PKHD1L1: variants seen among roughly 807,000 people sequenced by gnomAD.
PKHD1L1 encodes PKHD1 like 1, also known as fibrocystin-L.
PKHD1L1 carries 434 observed loss-of-function variants against 462.9 expected under a neutral mutation model. That is an observed-to-expected ratio of 0.94 (90% confidence interval 0.87 to 1.02). PKHD1L1 has a LOEUF of 1.02. Ranked by LOEUF, PKHD1L1 falls within the 50% of genes least tolerant of loss-of-function variation. The pLI, the probability that PKHD1L1 is intolerant of heterozygous loss-of-function variation, is 0.00. For missense variants in PKHD1L1, 5,202 were observed against 5,096.1 expected (o/e 1.02, Z -0.63); for synonymous variants, 1,781 against 1,750.0 (o/e 1.02, Z -0.44).
Position 109,394,455 on chromosome 8 carries a change from A to G in PKHD1L1, c.781A>G (p.Asn261Asp). The G allele has an allele frequency of 6.5e-7, 1 of 1,530,712 alleles. No individual in the cohort carries two copies. The highest frequency in any genetic ancestry group is 8.8e-7 in the Non-Finnish European group (1 of 1,134,674). 94.8% of individuals were successfully genotyped at this position (1,530,712 alleles called of 1,614,324 possible). A position where few individuals can be genotyped will look rare whatever the true frequency, so the allele number is the denominator to read the frequency against. ...QKMAYFVSSL[N>D]KIAMFQTYAE... is the part of the protein sequence containing the mutation. ...AATGGCATATTTTGTTTCTTCTCTC[A>G]ATAAAATTGCAATGTTTCAAACATA... The change falls in exon 10 of 78, where the codon AAT becomes GAT. Residue 261 changes from asparagine (N) to aspartate (D), a missense_variant. Coordinates refer to ENST00000378402, the MANE Select transcript of PKHD1L1 (RefSeq NM_177531.6).
Position 109,440,844 on chromosome 8 carries a change from T to G in PKHD1L1, c.4091T>G (p.Val1364Gly), listed in dbSNP as rs746855593. 6.2e-7 allele frequency: 1 copy of G among 1,612,362 alleles called. No individual in the cohort carries two copies. The highest frequency in any genetic ancestry group is 8.5e-7 in the Non-Finnish European group (1 of 1,178,916). ...GFSTIPAENT[V>G]LLGSIPCNVT... The stretch of plus-strand genomic sequence containing the variant: ...AGCACAATACCAGCTGAGAATACCG[T>G]GCTGTTAGGTAAGAGCTTCATTCAT... The change falls in exon 33 of 78, where the codon GTG becomes GGG. Residue 1364 changes from valine (V) to glycine (G), a missense_variant. Val to Gly is a moderately radical substitution (Grantham distance 109). Around this residue, in one of 3 missense-constraint regions of PKHD1L1, gnomAD observed 4,497 missense variants for 4,336.8 expected, o/e 1.04. Coordinates refer to ENST00000378402, the MANE Select transcript of PKHD1L1 (RefSeq NM_177531.6).
chr8:109,400,386 T>A, intron 13 of PKHD1L1, 42 bp downstream of exon 13: 1 of 1,553,672 alleles, frequency 6.4e-7, no homozygotes. Context: ...GTAAAAACAT[T>A]ATGGTGATAT....
At chr8:109,499,869 A>G (rs73313165) in intron 67 of PKHD1L1, among the ~76,000 whole-genome samples, 1,790 of 152,290 alleles carry the variant, frequency 0.012, 41 homozygotes, top group African/African-American at 0.041. Context: ...GAAACTCTAG[A>G]GTGTAAGTTA....
At chr8:109,487,889 A>G (rs200885610) in intron 59 of PKHD1L1, among the ~76,000 whole-genome samples, 2 of 42,106 alleles carry the variant, frequency 4.7e-5, no homozygotes, top group Admixed American at 2.6e-4. Context: ...AGAGAGAGAG[A>G]GAGGAAGGAA....
chr8:109,416,614 G>A (rs770228340), intron 21 of PKHD1L1, among the ~76,000 whole-genome samples: 2 of 152,224 alleles, frequency 1.3e-5, no homozygotes, highest in Non-Finnish European at 2.9e-5. Context: ...GCTAGCTCCT[G>A]GAATGAATGA....
In PKHD1L1 at chr8:109,384,052, A is replaced by G. The variant is rs750101760; in HGVS notation, c.418-18A>G. 3 of 1,547,152 alleles carry G rather than the reference A, an allele frequency of 1.9e-6. No individual in the cohort carries two copies. Among genetic ancestry groups the G allele is most frequent in the Non-Finnish European group, 1.8e-6 (2 of 1,121,146 alleles). ...AAAACAGAGATAAGTTTTCATATTG[A>G]CATTATTCTTTTTACAGGCAAAAAG... On this transcript the variant is annotated intron_variant, in intron 4 of 77. Transcript: ENST00000378402.
chr8:109,444,910 G>A lies in PKHD1L1; in HGVS notation c.5041G>A (p.Gly1681Ser). ...AGGAATGACAAGCGTGACCATAAAAGGCTCTGGATTTGCCGTTTCTTCTGC... is the reference window on the plus strand; with the variant it reads ...AGGAATGACAAGCGTGACCATAAAAAGCTCTGGATTTGCCGTTTCTTCTGC... ...TTGMTSVTIK[G>S]SGFAVSSAGV... is the part of the protein sequence containing the mutation. The change falls in exon 38 of 78, where the codon GGC becomes AGC. Residue 1681 changes from glycine to serine, a missense_variant. This residue lies in a region of PKHD1L1 where 4,497 missense variants were observed against 4,336.8 expected (regional missense o/e 1.04). Coordinates refer to ENST00000378402, the MANE Select transcript of PKHD1L1 (RefSeq NM_177531.6). 6.2e-7 allele frequency: 1 copy of A among 1,613,992 alleles called. No homozygotes were observed. Among genetic ancestry groups the A allele is most frequent in the Non-Finnish European group, 8.5e-7 (1 of 1,179,862 alleles).
Position 109,400,131 on chromosome 8 carries a change from A to C in PKHD1L1, c.1068A>C (p.Glu356Asp). Reference sequence around the variant, plus strand: ...ATAATAGCCGTCCAATACGTTTGGAAGAGATACTGGAATACAATGAAAAAA... The same window carrying C: ...ATAATAGCCGTCCAATACGTTTGGACGAGATACTGGAATACAATGAAAAAA... Reference protein sequence around the residue: ...VWNNSRPIRLEEILEYNEKTP... With the variant: ...VWNNSRPIRLDEILEYNEKTP... Residue 356 changes from glutamate (E) to aspartate (D), a missense_variant, in exon 13 of 78, where the codon GAA (glutamate) becomes GAC (aspartate). By Grantham distance (45) the Glu-to-Asp change is conservative (BLOSUM62 2). Coordinates refer to ENST00000378402, the MANE Select transcript of PKHD1L1 (RefSeq NM_177531.6). 1 of 1,613,442 alleles carries C rather than the reference A, an allele frequency of 6.2e-7. No individual in the cohort carries two copies. The highest frequency in any genetic ancestry group is 8.5e-7 in the Non-Finnish European group (1 of 1,179,450).
rs544090233 is a variant in PKHD1L1 at position 109,468,688 on chromosome 8, G to A, written c.8605+1919G>A. On this transcript the variant is annotated intron_variant, in intron 50 of 77. Coordinates refer to ENST00000378402, the MANE Select transcript of PKHD1L1 (RefSeq NM_177531.6). Reference sequence around the variant, plus strand: ...GAAGACTCATCCATCACTTGCCCTTGATAAGCCCCCATTCTGGCTGGTGGG... The same window carrying A: ...GAAGACTCATCCATCACTTGCCCTTAATAAGCCCCCATTCTGGCTGGTGGG... Among the ~76,000 whole-genome samples, 5 of 152,298 alleles carry A rather than the reference G, an allele frequency of 3.3e-5. No individual in the cohort carries two copies. In the South Asian group the frequency reaches 1.0e-3, roughly 32 times the overall value.
chr8:109,461,696 CTTAG>C (rs1362473187), intron 47 of PKHD1L1, 72 bp from the exon 48 acceptor site: 1 of 1,447,216 alleles, frequency 6.9e-7, no homozygotes, highest in Admixed American at 2.1e-5. Context: ...AAATGATACA[CTTAG>C]TTATGAGAAA....
chr8:109,404,692 G>A lies in PKHD1L1; in HGVS notation c.1512G>A (p.Ser504=), dbSNP rs150799139. 3,210 of 1,604,858 alleles carry A rather than the reference G, an allele frequency of 2.0e-3. 4 individuals are homozygous for A. The highest frequency in any genetic ancestry group is 2.4e-3 in the Non-Finnish European group (2,847 of 1,175,506). ...AAGAACAAGTTATCAAATCCCAGTC[G>A]ACAATCCTCCAGGAAGTACAGGTTT... ...VNEEQVIKSQ[S]TILQEVQVIT... Residue 504 remains serine (S), a synonymous_variant, in exon 15 of 78, where the codon TCG becomes TCA. Coordinates refer to ENST00000378402, the MANE Select transcript of PKHD1L1 (RefSeq NM_177531.6).
intron 31 of PKHD1L1, among the ~76,000 whole-genome samples, chr8:109,438,682 T>G (rs1235108911): frequency 2.6e-5 from 4 of 152,062 alleles, no homozygotes; most frequent in African/African-American, 9.7e-5. Context: ...AAAAGGACTT[T>G]GTCATCTTTT....
intron 46 of PKHD1L1, among the ~76,000 whole-genome samples, chr8:109,456,776 T>C (rs1469690839): frequency 2.6e-5 from 4 of 152,184 alleles, no homozygotes; most frequent in Admixed American, 6.5e-5. Context: ...AAAATGTAAA[T>C]GAGCTTCTTA....
Position 109,464,514 on chromosome 8 carries a change from C to T in PKHD1L1, c.7682C>T (p.Ala2561Val). The stretch of plus-strand genomic sequence containing the variant: ...CTGAATGATGATGTGACCCCGGCTG[C>T]ATTTTGGGTCACCAACCCGAACAAT... Reference protein sequence around the residue: ...SLLNDDVTPAAFWVTNPNNTI... With the variant: ...SLLNDDVTPAVFWVTNPNNTI... The change falls in exon 49 of 78, where the codon GCA (alanine) becomes GTA (valine). Residue 2561 changes from alanine (A) to valine (V), a missense_variant. By Grantham distance (64) the Ala-to-Val change is moderately conservative (BLOSUM62 0). This residue lies in a region of PKHD1L1 where 4,497 missense variants were observed against 4,336.8 expected (regional missense o/e 1.04). Coordinates refer to ENST00000378402, the MANE Select transcript of PKHD1L1 (RefSeq NM_177531.6). 6.2e-7 allele frequency: 1 copy of T among 1,613,806 alleles called. No individual in the cohort carries two copies. Among genetic ancestry groups the T allele is most frequent in the Non-Finnish European group, 8.5e-7 (1 of 1,179,796 alleles).
chr8:109,405,196 G>GACTACAGCAAATA, intron 16 of PKHD1L1, 66 bp downstream of exon 16: 3 of 1,016,716 alleles, frequency 3.0e-6, no homozygotes, highest in Non-Finnish European at 4.1e-6. Context: ...TAAAGTATTT[G>GACTACAGCAAATA]CTGTAGTCAA....
At chr8:109,404,834 T>G in intron 15 of PKHD1L1, 121 bp downstream of exon 15, 1 of 1,192,748 alleles carries the variant, frequency 8.4e-7, no homozygotes, top group African/African-American at 1.6e-5. Flanking sequence ...GGACAATTAT[T>G]AAATTATGAC....
In PKHD1L1 at chr8:109,406,331, A is replaced by G. The variant is rs369862462; in HGVS notation, c.1670-4A>G. On this transcript the variant is annotated splice_polypyrimidine_tract_variant and splice_region_variant and intron_variant, in intron 16 of 77. Transcript: ENST00000378402. ...TTTGTTTGTTTGTTTTAATCCAATC[A>G]AAGTCTTCCTACCTGCTGATGCTTC... 1.1e-5 allele frequency: 17 copies of G among 1,543,310 alleles called. No individual in the cohort carries two copies. The highest frequency in any genetic ancestry group is 9.7e-5 in the South Asian group (8 of 82,288).
intron 23 of PKHD1L1, among the ~76,000 whole-genome samples, chr8:109,421,968 T>C (rs557952061): frequency 1.3e-5 from 2 of 152,300 alleles, no homozygotes; most frequent in East Asian, 3.9e-4. Context: ...TTTAAAAAAA[T>C]TCAAGTGATA....
chr8:109,426,469 T>C (rs900900277), intron 24 of PKHD1L1, among the ~76,000 whole-genome samples: 32 of 152,006 alleles, frequency 2.1e-4, no homozygotes, highest in African/African-American at 6.7e-4. Context: ...AATTATTTAT[T>C]ATTATTTTGA....
Sources: allele counts gnomAD v4.1 joint callset (sites outside exome capture counted in the v4.1 genomes callset), GRCh38; gene constraint gnomAD v4.1.1; regional missense constraint gnomAD v4.1.1; transcripts MANE v1.5; gene names NCBI Gene and HGNC (gene_info 2026-07-23, HGNC 2026-07-21).